Variants in IGFL3 observed in about 807,000 individuals in gnomAD.
IGFL3 encodes IGF like family member 3, also known as insulin growth factor-like family member 3.
In IGFL3, 12 loss-of-function variants were observed where a neutral mutation model predicts 17.0. The observed-to-expected ratio is 0.71, with a 90% CI of 0.45 to 1.14. The LOEUF (loss-of-function observed/expected upper bound fraction) is 1.14. Ranked by LOEUF, IGFL3 falls within the 50% of genes most tolerant of loss-of-function variation. The probability of loss-of-function intolerance (pLI) is 0.00; values close to 1 mark genes in which losing one functional copy is unlikely to be tolerated. For synonymous variants in IGFL3, 52 were observed against 57.4 expected (o/e 0.91, Z 0.42); for missense variants, 153 against 151.6 (o/e 1.01, Z -0.05).
Position 46,124,148 on chromosome 19 carries a change from C to T in IGFL3, c.88G>A (p.Val30Ile). 6.2e-7 allele frequency: 1 copy of T among 1,610,290 alleles called. No individual in the cohort carries two copies. The highest frequency in any genetic ancestry group is 2.3e-5 in the East Asian group (1 of 44,390). ...QCSKGTTDAP[V>I]GSGLWLCQPT... ...TGGCACAGCCACAGTCCTGAGCCAACAGGAGCGTCTGGGGGCAGACATTGA... is the reference window on the plus strand; with the variant it reads ...TGGCACAGCCACAGTCCTGAGCCAATAGGAGCGTCTGGGGGCAGACATTGA... The change falls in exon 3 of 4, where the codon GTT becomes ATT. Residue 30 changes from valine to isoleucine, a missense_variant. Physicochemically the swap from Val to Ile is conservative, Grantham distance 29 (BLOSUM62 3). Coordinates refer to ENST00000341415, the MANE Select transcript of IGFL3 (RefSeq NM_207393.2).
At chr19:46,120,483 T>A in intron 3 of IGFL3, 126 bp from the exon 4 acceptor site, 2 of 1,361,284 alleles carry the variant, frequency 1.5e-6, no homozygotes, top group Non-Finnish European at 2.0e-6. Context: ...GATGTGTAGA[T>A]ATCAACAGAA....
Position 46,123,538 on chromosome 19 carries a change from T to G in IGFL3, c.350+348A>C, listed in dbSNP as rs949724738. On this transcript the variant is annotated intron_variant, in intron 3 of 3. Transcript: ENST00000341415. ...ACATATACTGTATATTATTATAAGC[T>G]TCTTCAGAGAAGCAAAACATCTTTG... Among the ~76,000 whole-genome samples, 5 of 150,888 alleles carry G rather than the reference T, an allele frequency of 3.3e-5. 2 individuals are homozygous for G. The highest frequency in any genetic ancestry group is 1.2e-4 in the African/African-American group (5 of 40,592).
rs370062892 is a variant in IGFL3, at chr19:46,123,839, C to T, written c.350+47G>A. The T allele has an allele frequency of 7.8e-5, 121 of 1,553,238 alleles. 3 individuals are homozygous for T. Among genetic ancestry groups the T allele is most frequent in the Non-Finnish European group, 1.0e-4 (116 of 1,147,190 alleles). ...TCCTCTTCAAGCCCTCTGTATCCCT[C>T]ATCCCTCCCTCATTCCTTTAGTTAA... On this transcript the variant is annotated intron_variant, in intron 3 of 3. Transcript: ENST00000341415.
At chr19:46,124,475 G>A (rs1288455852) in intron 1 of IGFL3, 150 bp downstream of exon 1, 3 of 1,140,114 alleles carry the variant, frequency 2.6e-6, no homozygotes, top group Non-Finnish European at 3.9e-6. Flanking sequence ...GGCAGGCCCT[G>A]AGCAGCACGC....
intron 3 of IGFL3, among the ~76,000 whole-genome samples, chr19:46,122,447 C>T (rs1009954330): frequency 1.3e-5 from 2 of 150,888 alleles, no homozygotes; most frequent in Non-Finnish European, 2.9e-5. Context: ...TTTCCTGAGC[C>T]AAAAGATACA....
In IGFL3 at chr19:46,120,440, AACTTGACTTTAACAG is replaced by A. The variant is rs1178864960; in HGVS notation, c.351-98_351-84del. The stretch of plus-strand genomic sequence containing the variant: ...ATCCCCTACAAAAGCAATTTTAACA[AACTTGACTTTAACAG>A]ACTTGACTGCTACACCAGATGTGTA... On this transcript the variant is annotated intron_variant, in intron 3 of 3. Coordinates refer to ENST00000341415, the MANE Select transcript of IGFL3 (RefSeq NM_207393.2). 1.9e-6 allele frequency: 3 copies of A among 1,586,666 alleles called. No homozygotes were observed. The African/African-American group carries it at 4.1e-5, about 22-fold the overall frequency.
chr19:46,122,386 A>G (rs1971825021), intron 3 of IGFL3, among the ~76,000 whole-genome samples: 1 of 151,232 alleles, frequency 6.6e-6, no homozygotes, highest in Non-Finnish European at 1.5e-5. Flanking sequence ...CAGCCTAGTT[A>G]GCTAGCTGAC....
intron 3 of IGFL3, among the ~76,000 whole-genome samples, chr19:46,121,961 G>A (rs1232374723): frequency 6.6e-6 from 1 of 150,978 alleles, no homozygotes; most frequent in Non-Finnish European, 1.5e-5. Flanking sequence ...ATGTAAAAAT[G>A]TAAAAACAAA....
Position 46,124,006 on chromosome 19 carries a change from G to T in IGFL3, c.230C>A (p.Pro77His). ...CTCGGGACAGCAGAGCTCAAAGCAG[G>T]GCCAGAAGGTGCAGGTGGAGCCACA... ...RRCGSTCTFW[P>H]CFELCCPESF... is the part of the protein sequence containing the mutation. The change falls in exon 3 of 4, where the codon CCC becomes CAC. Residue 77 changes from proline to histidine, a missense_variant. Pro to His is a moderately conservative substitution (Grantham distance 77). Transcript: ENST00000341415. 1 of 1,611,470 alleles carries T rather than the reference G, an allele frequency of 6.2e-7. No individual in the cohort carries two copies. The highest frequency in any genetic ancestry group is 8.5e-7 in the Non-Finnish European group (1 of 1,179,668).
chr19:46,120,424 A>C lies in IGFL3; in HGVS notation c.351-67T>G. 1.2e-6 allele frequency: 2 copies of C among 1,602,548 alleles called. 1 individual carries two copies. The highest frequency in any genetic ancestry group is 1.7e-6 in the Non-Finnish European group (2 of 1,176,156). ...TTCTCAGGAAAAAATTATCCCCTAC[A>C]AAAGCAATTTTAACAAACTTGACTT... On this transcript the variant is annotated intron_variant, in intron 3 of 3. Transcript: ENST00000341415.
Position 46,121,635 on chromosome 19 carries a change from A to C in IGFL3, c.351-1278T>G, listed in dbSNP as rs144977506. ...AACAACGGTGTCGCACGTGACGACT[A>C]TCTGAGGTTAGTGTCACGTGAGTAG... On this transcript the variant is annotated intron_variant, in intron 3 of 3. Transcript: ENST00000341415. Among the ~76,000 whole-genome samples the C allele has an allele frequency of 2.7e-3, 404 of 150,938 alleles. 20 individuals are homozygous for C. Among genetic ancestry groups the C allele is most frequent in the African/African-American group, 9.5e-3 (385 of 40,700 alleles).
At chr19:46,120,394 A>AT (rs776011588) in intron 3 of IGFL3, 37 bp from the exon 4 acceptor site, 5 of 1,609,518 alleles carry the variant, frequency 3.1e-6, no homozygotes, top group Non-Finnish European at 4.2e-6. Flanking sequence ...TCTTAACAAC[A>AT]TATATTCTCA....
At chr19:46,124,227 A>G in intron 2 of IGFL3, 41 bp downstream of exon 2, 1 of 1,608,608 alleles carries the variant, frequency 6.2e-7, no homozygotes, top group Non-Finnish European at 8.5e-7. Flanking sequence ...TTTTCCCAAC[A>G]CCACCTCTTC....
chr19:46,120,669 A>G (rs1971710872), intron 3 of IGFL3, among the ~76,000 whole-genome samples: 1 of 151,172 alleles, frequency 6.6e-6, no homozygotes, highest in Non-Finnish European at 1.5e-5. Flanking sequence ...ATACAGAGAT[A>G]TCAGAAATTC....
intron 3 of IGFL3, among the ~76,000 whole-genome samples, chr19:46,122,796 A>G (rs1356015680): frequency 6.6e-6 from 1 of 150,908 alleles, no homozygotes; most frequent in Non-Finnish European, 1.5e-5. Context: ...GCAAACACAA[A>G]TTTTAATTTC....
rs745517564 is a variant in IGFL3 at position 46,124,096 on chromosome 19, A to G, written c.140T>C (p.Ile47Thr). 1 of 1,611,470 alleles carries G rather than the reference A, an allele frequency of 6.2e-7. No homozygotes were observed. Among genetic ancestry groups the G allele is most frequent in the Admixed American group, 1.7e-5 (1 of 59,670 alleles). Residue 47 changes from isoleucine to threonine, a missense_variant, in exon 3 of 4, where the codon ATC becomes ACC. Coordinates refer to ENST00000341415, the MANE Select transcript of IGFL3 (RefSeq NM_207393.2). ...ACAGCACTGCTCTGAAGGGTTGTAG[A>G]TCTTGTTCCCACACCTGGGTGTCGG... ...CQPTPRCGNK[I>T]YNPSEQCCYD...
chr19:46,124,560 G>T, intron 1 of IGFL3, 65 bp downstream of exon 1: 1 of 1,430,578 alleles, frequency 7.0e-7, no homozygotes, highest in Non-Finnish European at 9.8e-7. Flanking sequence ...AATAAATCGG[G>T]TTGAGGTTTG....
At chr19:46,121,070 T>C (rs1340238210) in intron 3 of IGFL3, among the ~76,000 whole-genome samples, 1 of 150,550 alleles carries the variant, frequency 6.6e-6, no homozygotes, top group African/African-American at 2.5e-5. Flanking sequence ...CATGTACATT[T>C]TTCAGCGCTT....
At chr19:46,123,366 A>T (rs925740385) in intron 3 of IGFL3, among the ~76,000 whole-genome samples, 1 of 151,054 alleles carries the variant, frequency 6.6e-6, no homozygotes, top group African/African-American at 2.5e-5. Context: ...AATATGCTCA[A>T]ATTTACTGAC....
Sources: allele counts gnomAD v4.1 joint callset (sites outside exome capture counted in the v4.1 genomes callset), GRCh38; gene constraint gnomAD v4.1.1; transcripts MANE v1.5; gene names NCBI Gene and HGNC (gene_info 2026-07-23, HGNC 2026-07-21).